The following RAB31 variants were observed in gnomAD, a reference collection of about 807,000 sequenced individuals.
The protein encoded by RAB31 is ras-related protein Rab-31.
RAB31 carries 21 observed loss-of-function variants against 25.6 expected under a neutral mutation model. That is an observed-to-expected ratio of 0.82 (90% CI 0.58 to 1.18). The LOEUF is 1.18. Ranked by LOEUF, RAB31 falls within the 50% of genes most tolerant of loss-of-function variation. The pLI is 0.00. For synonymous variants in RAB31, 87 were observed against 84.0 expected (o/e 1.04, Z -0.20); for missense variants, 196 against 250.1 (o/e 0.78, Z 1.46).
At chr18:9,765,040 C>A (rs2068308619) in intron 1 of RAB31, among the ~76,000 whole-genome samples, 1 of 152,074 alleles carries the variant, frequency 6.6e-6, no homozygotes, top group South Asian at 2.1e-4. Context: ...GCAACCTACG[C>A]CTCCTGGGCT....
At chr18:9,710,698 C>CA (rs373380575) in intron 1 of RAB31, among the ~76,000 whole-genome samples, 162 of 151,678 alleles carry the variant, frequency 1.1e-3, no homozygotes, top group Non-Finnish European at 1.9e-3. Flanking sequence ...ATTAAAAATA[C>CA]AAAAAAAAGT....
At chr18:9,753,310 G>A (rs1040771899) in intron 1 of RAB31, among the ~76,000 whole-genome samples, 3 of 151,566 alleles carry the variant, frequency 2.0e-5, no homozygotes, top group Non-Finnish European at 4.4e-5. Context: ...ATCCATGACA[G>A]GAGTGGTATT....
intron 1 of RAB31, among the ~76,000 whole-genome samples, chr18:9,748,994 T>C (rs2068220460): frequency 6.6e-6 from 1 of 152,252 alleles, no homozygotes; most frequent in Non-Finnish European, 1.5e-5. Flanking sequence ...CTCTACTTAG[T>C]ACAGTTGCTG....
intron 1 of RAB31, among the ~76,000 whole-genome samples, chr18:9,735,894 T>C (rs2068148669): frequency 1.3e-5 from 2 of 152,200 alleles, no homozygotes. Flanking sequence ...TGGAGTGCCA[T>C]GGTGAGATAA....
chr18:9,848,850 G>T (rs2068774773), intron 6 of RAB31, among the ~76,000 whole-genome samples: 1 of 152,240 alleles, frequency 6.6e-6, no homozygotes, highest in Admixed American at 6.5e-5. Flanking sequence ...TCATAAACCA[G>T]AAATGGGACA....
intron 1 of RAB31, among the ~76,000 whole-genome samples, chr18:9,745,892 G>A (rs2068203010): frequency 6.6e-6 from 1 of 152,148 alleles, no homozygotes; most frequent in Admixed American, 6.5e-5. Context: ...CTTTCACCGT[G>A]GCTGTTCAAC....
intron 5 of RAB31, among the ~76,000 whole-genome samples, chr18:9,819,659 A>G (rs1189048924): frequency 6.6e-6 from 1 of 152,160 alleles, no homozygotes; most frequent in Non-Finnish European, 1.5e-5. Flanking sequence ...CCATTCAGGT[A>G]TTATTCCCAT....
At chr18:9,709,118 C>T (rs1324337805) in intron 1 of RAB31, among the ~76,000 whole-genome samples, 2 of 152,192 alleles carry the variant, frequency 1.3e-5, no homozygotes, top group East Asian at 3.9e-4. Flanking sequence ...GGAAAGTCCT[C>T]CCCACCATCA....
intron 6 of RAB31, chr18:9,856,220 A>C (rs971714472): frequency 6.6e-6 from 1 of 152,208 alleles, no homozygotes; most frequent in African/African-American, 2.4e-5. Flanking sequence ...AGTTCAAAAC[A>C]TGCAGGAGGG....
chr18:9,744,832 A>G (rs144926690), intron 1 of RAB31, among the ~76,000 whole-genome samples: 41 of 152,364 alleles, frequency 2.7e-4, no homozygotes, highest in African/African-American at 9.1e-4. Context: ...TCAGAGGGAA[A>G]CTTATAGCCA....
intron 2 of RAB31, among the ~76,000 whole-genome samples, chr18:9,778,387 T>G (rs1196392479): frequency 6.6e-6 from 1 of 152,186 alleles, no homozygotes; most frequent in Non-Finnish European, 1.5e-5. Flanking sequence ...AAAAAACTTA[T>G]GTATTACAAT....
intron 6 of RAB31, 89 bp downstream of exon 6, chr18:9,845,780 C>G: frequency 1.4e-6 from 2 of 1,426,044 alleles, no homozygotes; most frequent in Non-Finnish European, 1.8e-6. Context: ...CTGAAGTGAA[C>G]TTTTCCTCTG....
chr18:9,764,420 A>G (rs1283318546), intron 1 of RAB31, among the ~76,000 whole-genome samples: 1 of 152,110 alleles, frequency 6.6e-6, no homozygotes, highest in African/African-American at 2.4e-5. Flanking sequence ...AGTGCACTGG[A>G]TATGGGGAAT....
chr18:9,818,393 C>T (rs186908135), intron 5 of RAB31, among the ~76,000 whole-genome samples: 2 of 152,312 alleles, frequency 1.3e-5, no homozygotes, highest in African/African-American at 4.8e-5. Flanking sequence ...CCTTCCAGCC[C>T]TGGTAATCAC....
chr18:9,797,726 A>T (rs1038690231), intron 3 of RAB31, among the ~76,000 whole-genome samples: 1 of 152,208 alleles, frequency 6.6e-6, no homozygotes, highest in Non-Finnish European at 1.5e-5. Flanking sequence ...CGTTCTTCAG[A>T]TATCTCTACG....
At chr18:9,738,388 C>T (rs2068161081) in intron 1 of RAB31, among the ~76,000 whole-genome samples, 1 of 152,112 alleles carries the variant, frequency 6.6e-6, no homozygotes. Flanking sequence ...AGCCCCACCA[C>T]CAATCTCCAG....
intron 2 of RAB31, among the ~76,000 whole-genome samples, chr18:9,783,106 T>A (rs899672148): frequency 6.6e-6 from 1 of 152,160 alleles, no homozygotes; most frequent in Non-Finnish European, 1.5e-5. Context: ...GTGTGAGGTG[T>A]GCCTTCCTAC....
At chr18:9,722,050 C>T (rs1232677367) in intron 1 of RAB31, among the ~76,000 whole-genome samples, 6 of 151,678 alleles carry the variant, frequency 4.0e-5, no homozygotes, top group South Asian at 2.1e-4. Flanking sequence ...GAACAGCAGG[C>T]GAGCAGTGTG....
At chr18:9,771,408 G>A (rs34072220) in intron 1 of RAB31, among the ~76,000 whole-genome samples, 10,286 of 152,202 alleles carry the variant, frequency 0.068, 698 homozygotes, top group African/African-American at 0.18. Flanking sequence ...ATGGGTTTCC[G>A]TCAGTGTGGC....
Sources: allele counts gnomAD v4.1 joint callset (sites outside exome capture counted in the v4.1 genomes callset), GRCh38; gene constraint gnomAD v4.1.1; transcripts MANE v1.5; gene names NCBI Gene and HGNC (gene_info 2026-07-23, HGNC 2026-07-21).